The following FAM161B variants were observed in gnomAD, a reference collection of about 807,000 sequenced individuals.
FAM161B encodes protein FAM161B.
A neutral mutation model predicts 61.5 loss-of-function variants in FAM161B; 46 were observed. That is an observed-to-expected ratio of 0.75 (90% confidence interval 0.59 to 0.96). The LOEUF (loss-of-function observed/expected upper bound fraction) is 0.96, where lower values mean the gene tolerates loss of function less well. Ranked by LOEUF, FAM161B falls within the 40% of genes least tolerant of loss-of-function variation. FAM161B has a pLI of 0.00. For missense variants in FAM161B, 774 were observed against 800.7 expected (o/e 0.97, Z 0.40); for synonymous variants, 284 against 302.7 (o/e 0.94, Z 0.64).
Position 73,932,753 on chromosome 14 carries a change from T to G in FAM161B, c.*1503A>C, listed in dbSNP as rs2055935263. 3.4e-6 allele frequency: 1 copy of G among 294,324 alleles called. No homozygotes were observed. Among genetic ancestry groups the G allele is most frequent in the Non-Finnish European group, 6.6e-6 (1 of 152,312 alleles). The allele number at this position is 294,324 out of a possible 1,614,324, so 18.2% of individuals were successfully genotyped here. On this transcript the variant is annotated 3_prime_UTR_variant, in exon 9 of 9. Coordinates refer to ENST00000286544, the MANE Select transcript of FAM161B (RefSeq NM_152445.3). ...CATCCTCCCACCTCAGCCTCCTGAA[T>G]AGCTAGGACTATAGGCATGTACCAC...
intron 8 of FAM161B, among the ~76,000 whole-genome samples, chr14:73,935,640 A>G (rs1207482690): frequency 6.6e-6 from 1 of 152,232 alleles, no homozygotes; most frequent in East Asian, 1.9e-4. Flanking sequence ...AGAAGTCAAA[A>G]TATACATGAT....
rs896724084 is a variant in FAM161B at position 73,946,460 on chromosome 14, A to G, written c.200T>C (p.Ile67Thr). 6.2e-7 allele frequency: 1 copy of G among 1,614,132 alleles called. No homozygotes were observed. The highest frequency in any genetic ancestry group is 8.5e-7 in the Non-Finnish European group (1 of 1,180,022). The change falls in exon 2 of 9, where the codon ATT (isoleucine) becomes ACT (threonine). Residue 67 changes from isoleucine to threonine, a missense_variant. Coordinates refer to ENST00000286544, the MANE Select transcript of FAM161B (RefSeq NM_152445.3). ...IDSTSDSTGS[I>T]YQNLQELKQK... is the part of the protein sequence containing the mutation. ...CTTCAGTTCCTGTAAGTTCTGGTAA[A>G]TGCTCCCAGTTGAGTCAGAAGTAGA... is the stretch of plus-strand genomic sequence containing the variant.
At chr14:73,930,520 A>G (rs1048660424), downstream of FAM161B, among the ~76,000 whole-genome samples, 45 of 152,260 alleles carry the variant, frequency 3.0e-4, no homozygotes, top group Middle Eastern at 3.4e-3. Context: ...CACCAAGTAA[A>G]TACATCTCAA....
chr14:73,944,990 G>T, intron 2 of FAM161B, 105 bp from the exon 3 acceptor site: 1 of 992,308 alleles, frequency 1.0e-6, no homozygotes, highest in Non-Finnish European at 1.4e-6. Flanking sequence ...ACAGCTGGCT[G>T]CTCAGCCTAA....
chr14:73,941,130 T>TTTTG (rs2056015030), intron 4 of FAM161B, 77 bp from the exon 5 acceptor site: 1 of 1,049,448 alleles, frequency 9.5e-7, no homozygotes, highest in Non-Finnish European at 1.3e-6. Flanking sequence ...TTTTTTTTTT[T>TTTTG]GAGACAGAGT....
chr14:73,937,606 G>A lies in FAM161B; in HGVS notation c.1661C>T (p.Ala554Val). The change falls in exon 7 of 9, where the codon GCC (alanine) becomes GTC (valine). Residue 554 changes from alanine (A) to valine (V), a missense_variant. Transcript: ENST00000286544. Reference protein sequence around the residue: ...QTRPYLFEQVAKDLAKKEAEQ... With the variant: ...QTRPYLFEQVVKDLAKKEAEQ... ...CAAATGATGGTTTAGTTTTACCTTG[G>A]CAACTTGTTCAAAGAGATAGGGCCT... is the stretch of plus-strand genomic sequence containing the variant. 6.2e-7 allele frequency: 1 copy of A among 1,611,534 alleles called. No individual in the cohort carries two copies. The highest frequency in any genetic ancestry group is 1.7e-5 in the Admixed American group (1 of 59,564).
the FAM161B span, chr14:73,924,860 G>A: frequency 3.0e-6 from 1 of 332,996 alleles, no homozygotes; most frequent in African/African-American, 2.2e-5. Flanking sequence ...TGTATTTTTA[G>A]TAGAGACAGG....
At chr14:73,946,149 G>T in intron 2 of FAM161B, 137 bp downstream of exon 2, 2 of 884,894 alleles carry the variant, frequency 2.3e-6, no homozygotes, top group Non-Finnish European at 3.4e-6. Flanking sequence ...ACCAAAAGCT[G>T]ATTCTCAGCT....
intron 8 of FAM161B, among the ~76,000 whole-genome samples, chr14:73,935,744 A>G (rs2055966626): frequency 6.6e-6 from 1 of 152,214 alleles, no homozygotes; most frequent in African/African-American, 2.4e-5. Flanking sequence ...AAAACGAAAC[A>G]TAATTTGTCA....
In FAM161B at chr14:73,937,089, AAAG is replaced by A. The variant is rs1325334299; in HGVS notation, c.1665+510_1665+512del. Among the ~76,000 whole-genome samples the A allele has an allele frequency of 3.7e-4, 49 of 132,802 alleles. No homozygotes were observed. The East Asian group carries it at 7.6e-3, about 21-fold the overall frequency. 87.1% of individuals were successfully genotyped at this position (132,802 alleles called of 152,430 possible). A position where few individuals can be genotyped will look rare whatever the true frequency, so the allele number is the denominator to read the frequency against. On this transcript the variant is annotated intron_variant, in intron 7 of 8. Coordinates refer to ENST00000286544, the MANE Select transcript of FAM161B (RefSeq NM_152445.3). Reference sequence around the variant, plus strand: ...CACACATACACATGCATACAAAATAAAAGAAGAAAAAAAAATTTCAGGCTTCCA... The same window carrying A: ...CACACATACACATGCATACAAAATAAAAGAAAAAAAAATTTCAGGCTTCCA...
chr14:73,947,385 CAAAAAAAAA>C (rs35497668), intron 1 of FAM161B, among the ~76,000 whole-genome samples: 1 of 97,108 alleles, frequency 1.0e-5, no homozygotes, highest in Admixed American at 1.2e-4. Context: ...TGCTCCGTCT[CAAAAAAAAA>C]AAAAAAAAAA....
At chr14:73,940,234 ACAT>A (rs1173094898) in intron 5 of FAM161B, among the ~76,000 whole-genome samples, 1 of 152,212 alleles carries the variant, frequency 6.6e-6, no homozygotes, top group African/African-American at 2.4e-5. Context: ...CTTAATGAGA[ACAT>A]CATAACAGAA....
intron 1 of FAM161B, among the ~76,000 whole-genome samples, chr14:73,948,629 T>C (rs1256321878): frequency 1.3e-5 from 2 of 152,218 alleles, no homozygotes; most frequent in Admixed American, 6.5e-5. Flanking sequence ...TATTCACTCA[T>C]TTAAAGTGTA....
In FAM161B at chr14:73,938,112, T is replaced by G. The variant is rs2055986466; in HGVS notation, c.1401A>C (p.Arg467Ser). 1 of 1,613,888 alleles carries G rather than the reference T, an allele frequency of 6.2e-7. No individual in the cohort carries two copies. Among genetic ancestry groups the G allele is most frequent in the South Asian group, 1.1e-5 (1 of 91,066 alleles). The change falls in exon 6 of 9, where the codon AGA becomes AGC. Residue 467 changes from arginine (R) to serine (S), a missense_variant and splice_region_variant. Arg to Ser is a moderately radical substitution (Grantham distance 110). Transcript: ENST00000286544. ...CTTTGTTCTTTTTTTCAAGTGCACT[T>G]CTAAAGGAAGGAGGCAGAAAAAGAG... ...DATRKRESAV[R>S]SALEKKNKAD...
chr14:73,942,243 C>A, intron 4 of FAM161B, 126 bp downstream of exon 4: 1 of 931,022 alleles, frequency 1.1e-6, no homozygotes. Context: ...AATCTGCTTA[C>A]AACTGAGCTG....
chr14:73,925,553 G>T, the FAM161B span, among the ~76,000 whole-genome samples: 1 of 151,766 alleles, frequency 6.6e-6, no homozygotes, highest in African/African-American at 2.4e-5. Flanking sequence ...TCAGTCTCCT[G>T]AATAGCTGGG....
At chr14:73,924,018 T>C in the FAM161B span, among the ~76,000 whole-genome samples, 1 of 152,122 alleles carries the variant, frequency 6.6e-6, no homozygotes, top group Admixed American at 6.5e-5. Context: ...AGTAACAAAA[T>C]CATTAAACAT....
At position 73,940,973 on chromosome 14, in the gene FAM161B, G is replaced by T. The variant is rs1392614720; in HGVS notation, c.1353C>A (p.Leu451=). The T allele has an allele frequency of 1.9e-6, 3 of 1,613,954 alleles. No homozygotes were observed. Among genetic ancestry groups the T allele is most frequent in the Admixed American group, 3.3e-5 (2 of 60,018 alleles). ...SGLASLSANT[L]PVHITDATRK... is the part of the protein sequence containing the mutation. Reference sequence around the variant, plus strand: ...TGGTGGCATCTGTGATGTGCACAGGGAGAGTGTTGGCAGAGAGGGAAGCAA... The same window carrying T: ...TGGTGGCATCTGTGATGTGCACAGGTAGAGTGTTGGCAGAGAGGGAAGCAA... Residue 451 remains leucine, a synonymous_variant, in exon 5 of 9, where the codon CTC becomes CTA. Coordinates refer to ENST00000286544, the MANE Select transcript of FAM161B (RefSeq NM_152445.3).
intron 5 of FAM161B, among the ~76,000 whole-genome samples, chr14:73,938,508 C>T (rs1219412295): frequency 6.6e-6 from 1 of 151,668 alleles, no homozygotes; most frequent in Admixed American, 6.6e-5. Flanking sequence ...CATGGTGGCT[C>T]ATGCCTGTAA....
Sources: gnomAD v4.1 joint callset for allele counts (sites outside exome capture counted in the v4.1 genomes callset) on GRCh38, gnomAD v4.1.1 for gene constraint, MANE v1.5 for transcripts, NCBI Gene and HGNC (gene_info 2026-07-23, HGNC 2026-07-21) for gene names.